ZBBX: variants seen among roughly 807,000 people sequenced by gnomAD.
The protein encoded by ZBBX is zinc finger B-box domain-containing protein 1.
Under a neutral mutation model 108.5 loss-of-function variants are expected in ZBBX, and 101 were observed. The ratio of observed to expected loss-of-function variants is 0.93; its 90% CI spans 0.79 to 1.10. ZBBX has a LOEUF of 1.10. Among genes scored for constraint, ZBBX ranks in the 50% least tolerant of loss-of-function variants. The pLI is 0.00. For synonymous variants in ZBBX, 356 were observed against 323.4 expected, an observed-to-expected ratio of 1.10 and a Z score of -1.08; for missense variants, 1,009 against 941.4, an observed-to-expected ratio of 1.07 and a Z score of -0.94.
chr3:167,315,042 A>C (rs542997675), intron 15 of ZBBX, among the ~76,000 whole-genome samples: 1 of 152,254 alleles, frequency 6.6e-6, no homozygotes, highest in South Asian at 2.1e-4. Context: ...GTTCAGGGGA[A>C]TCACTCAGGC....
In ZBBX at chr3:167,406,720, C is replaced by T. The variant is rs1021522475; in HGVS notation, c.-446+1006G>A. 1.1e-4 allele frequency among the ~76,000 whole-genome samples: 16 copies of T among 152,246 alleles called. No homozygotes were observed. In the East Asian group the frequency reaches 1.4e-3, roughly 13 times the overall value. Reference sequence around the variant, plus strand: ...AAGTAGTTTACAATTCAAATTTGATCGCAAATGAGTAAGCCCTTTCAGTTC... The same window carrying T: ...AAGTAGTTTACAATTCAAATTTGATTGCAAATGAGTAAGCCCTTTCAGTTC... On this transcript the variant is annotated intron_variant, in intron 1 of 21. Coordinates refer to the ZBBX transcript ENST00000455345.
At chr3:167,220,124 C>T in the ZBBX span, among the ~76,000 whole-genome samples, 7 of 151,868 alleles carry the variant, frequency 4.6e-5, no homozygotes, top group South Asian at 4.1e-4. Flanking sequence ...GCCCAGGACA[C>T]AATAGCTTCA....
chr3:167,308,953 TA>T (rs200006423), intron 16 of ZBBX, among the ~76,000 whole-genome samples: 1 of 152,020 alleles, frequency 6.6e-6, no homozygotes, highest in African/African-American at 2.4e-5. Flanking sequence ...ACTTAAAAGT[TA>T]AAAAAAGGCA....
chr3:167,322,774 G>A (rs1736655024), intron 11 of ZBBX, among the ~76,000 whole-genome samples: 1 of 151,942 alleles, frequency 6.6e-6, no homozygotes, highest in Non-Finnish European at 1.5e-5. Flanking sequence ...AACTGATGAA[G>A]ATATCTAGGA....
intron 9 of ZBBX, among the ~76,000 whole-genome samples, chr3:167,340,413 T>C (rs1402351744): frequency 6.6e-6 from 1 of 152,080 alleles, no homozygotes; most frequent in Non-Finnish European, 1.5e-5. Flanking sequence ...ATAAAAGTAA[T>C]TTTCATATAA....
chr3:167,313,432 T>C (rs1038196339), intron 16 of ZBBX, among the ~76,000 whole-genome samples: 2 of 152,032 alleles, frequency 1.3e-5, no homozygotes, highest in Non-Finnish European at 2.9e-5. Context: ...CCTGCCACCA[T>C]GCCAGGCTAA....
chr3:167,364,809 C>T (rs561969045), intron 6 of ZBBX, among the ~76,000 whole-genome samples: 1 of 151,814 alleles, frequency 6.6e-6, no homozygotes, highest in Non-Finnish European at 1.5e-5. Flanking sequence ...ACATTTACTC[C>T]CTTAACTTCA....
intron 20 of ZBBX, among the ~76,000 whole-genome samples, chr3:167,275,167 C>T (rs1436152856): frequency 6.6e-6 from 1 of 151,998 alleles, no homozygotes; most frequent in African/African-American, 2.4e-5. Flanking sequence ...TATTTTTGTA[C>T]AATTTTTATC....
intron 9 of ZBBX, among the ~76,000 whole-genome samples, chr3:167,347,793 CA>C (rs1741741617): frequency 6.6e-6 from 1 of 151,992 alleles, no homozygotes; most frequent in African/African-American, 2.4e-5. Flanking sequence ...GGACTCTCCC[CA>C]ACAGCAGCAC....
At chr3:167,244,555 A>C (rs2108321078) in intron 20 of ZBBX, among the ~76,000 whole-genome samples, 1 of 152,366 alleles carries the variant, frequency 6.6e-6, no homozygotes, top group African/African-American at 2.4e-5. Flanking sequence ...ATACCTGTAA[A>C]GTTAACAGGA....
chr3:167,278,922 C>A (rs1728217825), intron 20 of ZBBX, among the ~76,000 whole-genome samples: 1 of 152,050 alleles, frequency 6.6e-6, no homozygotes, highest in African/African-American at 2.4e-5. Context: ...GGGCTTCATC[C>A]CTGGGATGCA....
intron 16 of ZBBX, among the ~76,000 whole-genome samples, chr3:167,307,541 G>T (rs1733861669): frequency 1.3e-5 from 2 of 152,106 alleles, no homozygotes. Flanking sequence ...AGCAAAACTG[G>T]AGGCATCATG....
At chr3:167,194,040 A>G in the ZBBX span, among the ~76,000 whole-genome samples, 11 of 152,040 alleles carry the variant, frequency 7.2e-5, no homozygotes, top group Non-Finnish European at 1.2e-4. Flanking sequence ...AATAAGTTTT[A>G]GTGTTCAATA....
chr3:167,196,117 C>T, the ZBBX span, among the ~76,000 whole-genome samples: 1 of 152,120 alleles, frequency 6.6e-6, no homozygotes, highest in African/African-American at 2.4e-5. Flanking sequence ...TGAGTTTTGC[C>T]TCCCCACAAC....
chr3:167,219,382 A>C, the ZBBX span, among the ~76,000 whole-genome samples: 4 of 152,180 alleles, frequency 2.6e-5, no homozygotes, highest in South Asian at 2.1e-4. Flanking sequence ...GGTAGGTCAC[A>C]AAACAAGTCT....
the ZBBX span, among the ~76,000 whole-genome samples, chr3:167,185,963 T>C: frequency 2.0e-5 from 3 of 152,118 alleles, no homozygotes; most frequent in African/African-American, 7.2e-5. Context: ...AGCCAAATTT[T>C]CTTTTTTTCC....
intron 20 of ZBBX, among the ~76,000 whole-genome samples, chr3:167,247,062 G>A (rs982837631): frequency 6.6e-6 from 1 of 152,182 alleles, no homozygotes; most frequent in Non-Finnish European, 1.5e-5. Context: ...ACCACAGACC[G>A]AGGTGAGGAC....
At chr3:167,199,733 C>A in the ZBBX span, among the ~76,000 whole-genome samples, 2 of 152,098 alleles carry the variant, frequency 1.3e-5, no homozygotes, top group African/African-American at 4.8e-5. Context: ...AGTAATATGG[C>A]TAAATACTTA....
chr3:167,297,940 TG>T (rs1731961869), intron 18 of ZBBX, among the ~76,000 whole-genome samples: 1 of 152,046 alleles, frequency 6.6e-6, no homozygotes, highest in African/African-American at 2.4e-5. Context: ...ATTTGTGCCC[TG>T]TTGGCAGTAA....
Sources: gnomAD v4.1 joint callset for allele counts (sites outside exome capture counted in the v4.1 genomes callset) on GRCh38, gnomAD v4.1.1 for gene constraint, MANE v1.5 for transcripts, NCBI Gene and HGNC (gene_info 2026-07-23, HGNC 2026-07-21) for gene names.